Variants in VPS13B observed in about 807,000 individuals in gnomAD.
VPS13B encodes the protein intermembrane lipid transfer protein VPS13B.
VPS13B carries 285 observed loss-of-function variants against 426.4 expected under a neutral mutation model. The ratio of observed to expected loss-of-function variants is 0.67; its 90% CI spans 0.61 to 0.74. VPS13B has a LOEUF of 0.74. Ranked by LOEUF, VPS13B falls within the 30% of genes least tolerant of loss-of-function variation. VPS13B has a pLI of 0.00. For synonymous variants in VPS13B, 1,676 were observed against 1,676.4 expected (o/e 1.00, Z 0.01); for missense variants, 4,537 against 4,782.6 (o/e 0.95, Z 1.51).
intron 17 of VPS13B, among the ~76,000 whole-genome samples, chr8:99,273,357 G>C (rs1345195253): frequency 1.3e-5 from 2 of 151,598 alleles, no homozygotes; most frequent in East Asian, 3.9e-4. Flanking sequence ...TAGTAGAGAT[G>C]GGGTTTCACC....
intron 33 of VPS13B, among the ~76,000 whole-genome samples, chr8:99,611,364 A>G (rs752815129): frequency 3.3e-5 from 5 of 152,208 alleles, no homozygotes; most frequent in Admixed American, 6.5e-5. Flanking sequence ...CAGAAGACTT[A>G]AAGTACATAT....
chr8:99,394,471 A>G lies in VPS13B; in HGVS notation c.3082+2767A>G, dbSNP rs79120297. 5.5e-3 allele frequency among the ~76,000 whole-genome samples: 843 copies of G among 152,292 alleles called. 7 individuals are homozygous for G. Among genetic ancestry groups the G allele is most frequent in the African/African-American group, 0.019 (809 of 41,562 alleles). On this transcript the variant is annotated intron_variant, in intron 21 of 61. Transcript: ENST00000357162. Reference sequence around the variant, plus strand: ...CGGAATGTGTTAACAGCAGAATGCCACTATTTCAATGATATAGTCATGTAG... The same window carrying G: ...CGGAATGTGTTAACAGCAGAATGCCGCTATTTCAATGATATAGTCATGTAG...
intron 37 of VPS13B, among the ~76,000 whole-genome samples, chr8:99,717,610 A>C (rs1832975191): frequency 6.6e-6 from 1 of 152,146 alleles, no homozygotes; most frequent in Admixed American, 6.5e-5. Context: ...AATCATTACC[A>C]CAGTCAATTT....
chr8:99,422,883 C>T (rs564904318), intron 21 of VPS13B, among the ~76,000 whole-genome samples: 3 of 152,202 alleles, frequency 2.0e-5, no homozygotes, highest in African/African-American at 7.2e-5. Flanking sequence ...AAGATAAATA[C>T]GTATTCAAAT....
intron 25 of VPS13B, among the ~76,000 whole-genome samples, chr8:99,493,483 A>G (rs978358565): frequency 6.6e-5 from 10 of 152,170 alleles, no homozygotes; most frequent in African/African-American, 2.4e-4. Flanking sequence ...TTAGAAAATT[A>G]TTTGAAGAGA....
At chr8:99,870,992 T>C in intron 60 of VPS13B, 105 bp downstream of exon 60, 1 of 1,152,636 alleles carries the variant, frequency 8.7e-7, no homozygotes. Flanking sequence ...AGCCCAGGAG[T>C]AGCCATTGTT....
intron 39 of VPS13B, among the ~76,000 whole-genome samples, chr8:99,765,601 G>A (rs1296546612): frequency 6.6e-6 from 1 of 152,212 alleles, no homozygotes; most frequent in Non-Finnish European, 1.5e-5. Context: ...GGTTCCCCTT[G>A]TTCCCAAGTC....
At chr8:99,026,480 T>C (rs1336843617) in intron 2 of VPS13B, among the ~76,000 whole-genome samples, 1 of 152,192 alleles carries the variant, frequency 6.6e-6, no homozygotes, top group Non-Finnish European at 1.5e-5. Flanking sequence ...TAAAGTGCAA[T>C]TGAAATTTGA....
intron 31 of VPS13B, among the ~76,000 whole-genome samples, chr8:99,570,520 T>C (rs550210303): frequency 6.6e-6 from 1 of 152,208 alleles, no homozygotes; most frequent in African/African-American, 2.4e-5. Flanking sequence ...TTCTCTTTGG[T>C]TGTTTTTGAA....
chr8:99,850,234 C>T (rs900965949), intron 55 of VPS13B, among the ~76,000 whole-genome samples: 1 of 135,864 alleles, frequency 7.4e-6, no homozygotes, highest in Non-Finnish European at 1.6e-5. Context: ...TACATAAGTA[C>T]GCATGTATGT....
At chr8:99,582,812 C>T (rs550291038) in intron 33 of VPS13B, among the ~76,000 whole-genome samples, 4 of 152,184 alleles carry the variant, frequency 2.6e-5, no homozygotes, top group East Asian at 3.9e-4. Context: ...CCCGCCACCA[C>T]GCCCGGCTAA....
In VPS13B at chr8:99,326,515, C is replaced by G. The variant is rs1440559031; in HGVS notation, c.2824+51261C>G. ...AATCTTGCTCTGTTGCCTAGTGGCACAATCTCAGCTCACTGCAACCTCTGC... is the reference window on the plus strand; with the variant it reads ...AATCTTGCTCTGTTGCCTAGTGGCAGAATCTCAGCTCACTGCAACCTCTGC... On this transcript the variant is annotated intron_variant, in intron 19 of 61. Coordinates refer to ENST00000357162, the MANE Select transcript of VPS13B (RefSeq NM_152564.5). Among the ~76,000 whole-genome samples, 4 of 97,706 alleles carry G rather than the reference C, an allele frequency of 4.1e-5. No homozygotes were observed. The Admixed American group carries it at 4.4e-4, about 11-fold the overall frequency. The allele number at this position is 97,706 out of a possible 152,430, so 64.1% of individuals were successfully genotyped here.
At chr8:99,191,615 C>G (rs903820915) in intron 16 of VPS13B, among the ~76,000 whole-genome samples, 1 of 151,802 alleles carries the variant, frequency 6.6e-6, no homozygotes, top group East Asian at 1.9e-4. Flanking sequence ...AACTCCTGAC[C>G]TTGTGATCCG....
intron 33 of VPS13B, among the ~76,000 whole-genome samples, chr8:99,594,018 C>T (rs1415641926): frequency 6.6e-6 from 1 of 151,856 alleles, no homozygotes; most frequent in African/African-American, 2.4e-5. Flanking sequence ...ACCACCATGG[C>T]ACAGATTTAC....
chr8:99,507,311 A>G (rs1821555338), intron 28 of VPS13B, 108 bp downstream of exon 28: 3 of 1,178,506 alleles, frequency 2.5e-6, no homozygotes, highest in Non-Finnish European at 3.7e-6. Flanking sequence ...TTCAGAATAA[A>G]TTCTTATTAG....
chr8:99,034,371 C>T (rs929904050), intron 2 of VPS13B, among the ~76,000 whole-genome samples: 3 of 149,856 alleles, frequency 2.0e-5, no homozygotes, highest in African/African-American at 4.9e-5. Context: ...GGGATATATA[C>T]ATTTATTGGG....
chr8:99,043,769 A>G (rs981361721), intron 3 of VPS13B, among the ~76,000 whole-genome samples: 2 of 151,966 alleles, frequency 1.3e-5, no homozygotes, highest in African/African-American at 4.8e-5. Context: ...TAGCAACACA[A>G]TTCCTTGATT....
intron 21 of VPS13B, among the ~76,000 whole-genome samples, chr8:99,400,234 A>G (rs1253588521): frequency 6.6e-6 from 1 of 152,190 alleles, no homozygotes; most frequent in Non-Finnish European, 1.5e-5. Context: ...CCACTTTTGA[A>G]CATGCTGGCC....
In VPS13B at chr8:99,481,800, G is replaced by A; in HGVS notation, c.3868G>A (p.Glu1290Lys). 1 of 1,613,678 alleles carries A rather than the reference G, an allele frequency of 6.2e-7. No individual in the cohort carries two copies. Among genetic ancestry groups the A allele is most frequent in the Non-Finnish European group, 8.5e-7 (1 of 1,179,744 alleles). Reference protein sequence around the residue: ...SPSADIGTTTEGDSIQAGEES... With the variant: ...SPSADIGTTTKGDSIQAGEES... ...ATCTGCTGACATTGGGACTACTACT[G>A]AGGTAAGTGTTTTTGAAAATCCTGT... The change falls in exon 25 of 62, where the codon GAG becomes AAG. Residue 1290 changes from glutamate (E) to lysine (K), a missense_variant and splice_region_variant. This residue lies in a region of VPS13B where 4,311 missense variants were observed against 4,474.3 expected (regional missense o/e 0.96). Transcript: ENST00000357162.
Sources: allele counts gnomAD v4.1 joint callset (sites outside exome capture counted in the v4.1 genomes callset), GRCh38; gene constraint gnomAD v4.1.1; regional missense constraint gnomAD v4.1.1; transcripts MANE v1.5; gene names NCBI Gene and HGNC (gene_info 2026-07-23, HGNC 2026-07-21).